ANXA8: variants seen among roughly 807,000 people sequenced by gnomAD.
The protein encoded by ANXA8 is annexin A8.
Under a neutral mutation model 26.8 loss-of-function variants are expected in ANXA8, and 9 were observed. The observed-to-expected ratio is 0.34, with a 90% CI of 0.20 to 0.59. The LOEUF (loss-of-function observed/expected upper bound fraction) is 0.59. Among genes scored for constraint, ANXA8 ranks in the 20% least tolerant of loss-of-function variants. The probability of loss-of-function intolerance (pLI) is 0.84; values close to 1 mark genes in which losing one functional copy is unlikely to be tolerated. For missense variants in ANXA8, 83 were observed against 238.5 expected (o/e 0.35, Z 4.29); for synonymous variants, 39 against 94.8 (o/e 0.41, Z 3.42).
the ANXA8 span, among the ~76,000 whole-genome samples, chr10:47,895,058 AC>A: frequency 6.6e-6 from 1 of 151,894 alleles, no homozygotes; most frequent in Non-Finnish European, 1.5e-5. Flanking sequence ...CCGCACATAC[AC>A]CATACTCACA....
At chr10:47,969,761 G>T in the ANXA8 span, among the ~76,000 whole-genome samples, 1 of 150,322 alleles carries the variant, frequency 6.7e-6, no homozygotes, top group African/African-American at 2.4e-5. Flanking sequence ...TGTTGCCTAG[G>T]CTGGAGTAGG....
the ANXA8 span, among the ~76,000 whole-genome samples, chr10:47,941,699 G>A: frequency 4.3e-4 from 63 of 147,610 alleles, 8 homozygotes; most frequent in African/African-American, 1.5e-3. Flanking sequence ...CCAGATACAT[G>A]CATTTACTCA....
At chr10:47,683,256 T>C in the ANXA8 span, among the ~76,000 whole-genome samples, 12 of 132,716 alleles carry the variant, frequency 9.0e-5, no homozygotes, top group South Asian at 2.3e-4. Flanking sequence ...TGAGATGGAG[T>C]CTCGCTTTGT....
chr10:47,882,034 G>A, the ANXA8 span, among the ~76,000 whole-genome samples: 1 of 149,554 alleles, frequency 6.7e-6, no homozygotes, highest in Non-Finnish European at 1.5e-5. Context: ...TGTGAAGGGT[G>A]GGCACACACA....
the ANXA8 span, among the ~76,000 whole-genome samples, chr10:47,489,856 GC>G: frequency 7.0e-6 from 1 of 143,300 alleles, no homozygotes; most frequent in Admixed American, 7.1e-5. Context: ...CCTAGATGGG[GC>G]TCTGGGGTGC....
At chr10:47,661,057 TA>T in the ANXA8 span, among the ~76,000 whole-genome samples, 1 of 148,056 alleles carries the variant, frequency 6.8e-6, no homozygotes, top group Non-Finnish European at 1.5e-5. Flanking sequence ...TCCTTCCTTT[TA>T]TTTTGTTGTT....
the ANXA8 span, among the ~76,000 whole-genome samples, chr10:47,733,167 T>TTCTTTCTTTCTTTCTTTCTCTCTCTCTC: frequency 6.0e-5 from 6 of 99,722 alleles, no homozygotes; most frequent in African/African-American, 1.6e-4. Flanking sequence ...CTTTCTTTCT[T>TTCTTTCTTTCTTTCTTTCTCTCTCTCTC]TCTTTCTTTC....
At chr10:47,484,958 C>T (rs1446181147), upstream of ANXA8, among the ~76,000 whole-genome samples, 4 of 149,120 alleles carry the variant, frequency 2.7e-5, no homozygotes, top group South Asian at 2.2e-4. Flanking sequence ...CCACGCTTCC[C>T]GGGATCCACC....
At chr10:47,549,500 G>C in the ANXA8 span, 2 of 738,072 alleles carry the variant, frequency 2.7e-6, no homozygotes, top group South Asian at 1.5e-5. Flanking sequence ...ACGTTTACAG[G>C]AGTGTACCAG....
upstream of ANXA8, chr10:47,487,097 C>T (rs1455804170): frequency 3.0e-6 from 3 of 1,010,354 alleles, no homozygotes; most frequent in South Asian, 5.0e-5. Flanking sequence ...TGATTGATCA[C>T]TATTCTGTGC....
the ANXA8 span, among the ~76,000 whole-genome samples, chr10:47,677,280 A>G: frequency 1.3e-5 from 2 of 152,078 alleles, no homozygotes; most frequent in Admixed American, 6.5e-5. Context: ...CTGGATGCAT[A>G]TGTAATCTCT....
At chr10:47,583,150 AGGGAGCAAG>A in the ANXA8 span, among the ~76,000 whole-genome samples, 1 of 360 alleles carries the variant, frequency 2.8e-3, no homozygotes, top group African/African-American at 0.018. Context: ...GCGATGTTGC[AGGGAGCAAG>A]GGGCGCCTCT....
At chr10:47,702,439 C>T in the ANXA8 span, among the ~76,000 whole-genome samples, 1 of 150,582 alleles carries the variant, frequency 6.6e-6, no homozygotes, top group Non-Finnish European at 1.5e-5. Flanking sequence ...CTCCTGGGTT[C>T]TAGCAATTCT....
the ANXA8 span, among the ~76,000 whole-genome samples, chr10:47,640,990 CG>C: frequency 1.5e-5 from 2 of 133,166 alleles, no homozygotes; most frequent in African/African-American, 6.6e-5. Context: ...TGCATGCACA[CG>C]TAACAGTCTA....
Position 47,468,572 on chromosome 10 carries a change from C to T in ANXA8, c.*275G>A, listed in dbSNP as rs1839182897. 1.8e-6 allele frequency: 1 copy of T among 566,134 alleles called. No homozygotes were observed. The highest frequency in any genetic ancestry group is 3.0e-6 in the Non-Finnish European group (1 of 330,112). 35.1% of individuals were successfully genotyped at this position (566,134 alleles called of 1,614,324 possible). A position where few individuals can be genotyped will look rare whatever the true frequency, so the allele number is the denominator to read the frequency against. ...GAGGAAGGAATGATCCACAAGTCCC[C>T]AAGCCCTTCATGCTGAGGCATCTGT... On this transcript the variant is annotated 3_prime_UTR_variant, in exon 12 of 12. Transcript: ENST00000585281.
At chr10:47,581,371 G>A in the ANXA8 span, 15 of 421,434 alleles carry the variant, frequency 3.6e-5, 1 homozygote, top group Middle Eastern at 1.8e-3. Flanking sequence ...TCAAAGAAAA[G>A]TAAATAAAAT....
chr10:47,497,678 C>T, the ANXA8 span, among the ~76,000 whole-genome samples: 4 of 146,782 alleles, frequency 2.7e-5, no homozygotes, highest in South Asian at 8.6e-4. Context: ...TGGCTCACAC[C>T]TGTAATCCCA....
At chr10:47,624,082 A>C in the ANXA8 span, among the ~76,000 whole-genome samples, 2 of 99,982 alleles carry the variant, frequency 2.0e-5, no homozygotes, top group Admixed American at 2.2e-4. Flanking sequence ...TAAAAATACA[A>C]AAAAAAAAAA....
At chr10:47,950,310 A>C in the ANXA8 span, among the ~76,000 whole-genome samples, 1 of 152,120 alleles carries the variant, frequency 6.6e-6, no homozygotes, top group African/African-American at 2.4e-5. Flanking sequence ...AAATTGTCAT[A>C]CTTGTTTCTC....
Sources: allele counts gnomAD v4.1 joint callset (sites outside exome capture counted in the v4.1 genomes callset), GRCh38; gene constraint gnomAD v4.1.1; transcripts MANE v1.5; gene names NCBI Gene and HGNC (gene_info 2026-07-23, HGNC 2026-07-21).